Variants in ACTL8 observed in about 807,000 individuals in gnomAD.
ACTL8 encodes actin like 8.
In ACTL8, 3 loss-of-function variants were observed where a neutral mutation model predicts 9.3. That is an observed-to-expected ratio of 0.32 (90% confidence interval 0.15 to 0.83). The LOEUF is 0.83. Ranked by LOEUF, ACTL8 falls within the 40% of genes least tolerant of loss-of-function variation. The pLI, the probability that ACTL8 is intolerant of heterozygous loss-of-function variation, is 0.57. For synonymous variants in ACTL8, 224 were observed against 205.9 expected, an observed-to-expected ratio of 1.09 and a Z score of -0.75; for missense variants, 381 against 492.2, an observed-to-expected ratio of 0.77 and a Z score of 2.14.
rs1460267996 is a variant in ACTL8 at position 17,823,743 on chromosome 1, C to A, written c.348+387C>A. On this transcript the variant is annotated intron_variant, in intron 2 of 2. Transcript: ENST00000375406. This position sits in a 1 kb window ranked among gnomAD's most constrained non-coding sequence, Gnocchi z 5.3. ...GCCCTGTCTCAAAAAAACAAACAAA[C>A]AAAAAAACCCAACAGAAACCAACAA... Among the ~76,000 whole-genome samples the A allele has an allele frequency of 6.6e-6, 1 of 151,962 alleles. No individual in the cohort carries two copies. Among genetic ancestry groups the A allele is most frequent in the African/African-American group, 2.4e-5 (1 of 41,380 alleles).
chr1:17,811,726 A>G (rs2124183350), intron 1 of ACTL8, among the ~76,000 whole-genome samples: 1 of 152,218 alleles, frequency 6.6e-6, no homozygotes, highest in East Asian at 1.9e-4. Flanking sequence ...CTATCTTTTC[A>G]TCACGGAATT....
Position 17,826,582 on chromosome 1 carries a change from C to A in ACTL8, c.*63C>A, listed in dbSNP as rs2053725170. The A allele has an allele frequency of 1.8e-4, 231 of 1,257,374 alleles. No individual in the cohort carries two copies. The highest frequency in any genetic ancestry group is 2.1e-4 in the Non-Finnish European group (193 of 937,828). 77.9% of individuals were successfully genotyped at this position (1,257,374 alleles called of 1,614,324 possible). A position where few individuals can be genotyped will look rare whatever the true frequency, so the allele number is the denominator to read the frequency against. Reference sequence around the variant, plus strand: ...ATGGGCACGGGCGGATTAATTTTAGCAAAATGTTCTGGGTGGGGGTAGAAT... The same window carrying A: ...ATGGGCACGGGCGGATTAATTTTAGAAAAATGTTCTGGGTGGGGGTAGAAT... On this transcript the variant is annotated 3_prime_UTR_variant, in exon 3 of 3. Transcript: ENST00000375406. The surrounding 1 kb of genome is among the most constrained non-coding windows in gnomAD (Gnocchi z 4.5).
At chr1:17,777,038 G>A (rs1001056954) in intron 1 of ACTL8, among the ~76,000 whole-genome samples, 1 of 124,770 alleles carries the variant, frequency 8.0e-6, no homozygotes, top group South Asian at 2.7e-4. Flanking sequence ...TGCCCAGGCT[G>A]ATCTTGAATC....
At chr1:17,816,469 G>A (rs767758994) in intron 1 of ACTL8, among the ~76,000 whole-genome samples, 1 of 152,190 alleles carries the variant, frequency 6.6e-6, no homozygotes, top group Non-Finnish European at 1.5e-5. Context: ...CTCCCAAAGT[G>A]CTAGTATTAC....
intron 1 of ACTL8, among the ~76,000 whole-genome samples, chr1:17,755,944 G>A (rs539098075): frequency 6.6e-6 from 1 of 152,084 alleles, no homozygotes; most frequent in African/African-American, 2.4e-5. Flanking sequence ...TCAGTCCTGG[G>A]GTGGGGGGCT....
chr1:17,808,240 A>T (rs2066371670), intron 1 of ACTL8, among the ~76,000 whole-genome samples: 1 of 152,216 alleles, frequency 6.6e-6, no homozygotes, highest in Non-Finnish European at 1.5e-5. Context: ...GACTTGAGGG[A>T]CACAAGACCC....
intron 1 of ACTL8, among the ~76,000 whole-genome samples, chr1:17,756,169 CTCT>C (rs1396588133): frequency 1.3e-5 from 2 of 151,972 alleles, no homozygotes; most frequent in Non-Finnish European, 2.9e-5. Context: ...GCTCTGGGAG[CTCT>C]TCTTTGGGGC....
chr1:17,761,891 A>G (rs1202432713), intron 1 of ACTL8, among the ~76,000 whole-genome samples: 1 of 151,530 alleles, frequency 6.6e-6, no homozygotes, highest in South Asian at 2.1e-4. Flanking sequence ...CACATGACTT[A>G]GCTCTAATGC....
chr1:17,808,283 A>T (rs1456272899), intron 1 of ACTL8, among the ~76,000 whole-genome samples: 2 of 152,216 alleles, frequency 1.3e-5, no homozygotes, highest in African/African-American at 4.8e-5. Context: ...AGATGGCAAT[A>T]AGAGCTCAAC....
At chr1:17,764,637 G>A (rs112582648) in intron 1 of ACTL8, among the ~76,000 whole-genome samples, 2,577 of 152,000 alleles carry the variant, frequency 0.017, 48 homozygotes, top group Non-Finnish European at 0.023. Context: ...TCCTTGTGTC[G>A]CCCCCACGCT....
chr1:17,811,215 G>A (rs1047445651), intron 1 of ACTL8, among the ~76,000 whole-genome samples: 1 of 152,162 alleles, frequency 6.6e-6, no homozygotes, highest in Non-Finnish European at 1.5e-5. Flanking sequence ...GCATCTTTCA[G>A]TGTGCTTACT....
At chr1:17,813,509 A>G (rs970281088) in intron 1 of ACTL8, among the ~76,000 whole-genome samples, 2 of 152,110 alleles carry the variant, frequency 1.3e-5, no homozygotes, top group Non-Finnish European at 2.9e-5. Flanking sequence ...TATTCTTTTT[A>G]TATATTACTG....
chr1:17,792,921 T>G (rs577627918), intron 1 of ACTL8, among the ~76,000 whole-genome samples: 1 of 152,202 alleles, frequency 6.6e-6, no homozygotes, highest in East Asian at 1.9e-4. Context: ...GGACATAGGC[T>G]CTCTCTCTGG....
intron 1 of ACTL8, among the ~76,000 whole-genome samples, chr1:17,800,583 C>CTTTTTTTTTTTTTTTTTTTTTTTTTT (rs59143238): frequency 7.2e-5 from 5 of 69,156 alleles, no homozygotes; most frequent in African/African-American, 3.2e-4. Flanking sequence ...TGGTGTCAAT[C>CTTTTTTTTTTTTTTTTTTTTTTTTTT]TTTTTTTTTT....
At chr1:17,764,715 A>G (rs2066032124) in intron 1 of ACTL8, among the ~76,000 whole-genome samples, 1 of 152,228 alleles carries the variant, frequency 6.6e-6, no homozygotes, top group Admixed American at 6.5e-5. Flanking sequence ...TAATAGCTGA[A>G]TATTTCTTTA....
intron 1 of ACTL8, among the ~76,000 whole-genome samples, chr1:17,768,880 G>A (rs1262188208): frequency 1.3e-5 from 2 of 152,086 alleles, no homozygotes; most frequent in Non-Finnish European, 2.9e-5. Context: ...GTCTTGGGAG[G>A]GTAATTGTGT....
chr1:17,825,429 G>C (rs1350552362), intron 2 of ACTL8, among the ~76,000 whole-genome samples: 1 of 152,088 alleles, frequency 6.6e-6, no homozygotes, highest in East Asian at 1.9e-4. Context: ...TCCTTCTAAA[G>C]AGGCGGTTCA....
chr1:17,780,652 G>A (rs1308444842), intron 1 of ACTL8, among the ~76,000 whole-genome samples: 5 of 150,596 alleles, frequency 3.3e-5, no homozygotes. Flanking sequence ...GGTGTGAGCC[G>A]ATGGTGACTG....
intron 1 of ACTL8, among the ~76,000 whole-genome samples, chr1:17,756,292 C>T (rs2065968925): frequency 6.6e-6 from 1 of 151,876 alleles, no homozygotes; most frequent in East Asian, 1.9e-4. Flanking sequence ...TTTGGGGAAC[C>T]TATGAAAGCC....
Sources: allele counts gnomAD v4.1 joint callset (sites outside exome capture counted in the v4.1 genomes callset), GRCh38; gene constraint gnomAD v4.1.1; non-coding constraint Gnocchi (gnomAD v3.1); transcripts MANE v1.5; gene names NCBI Gene and HGNC (gene_info 2026-07-23, HGNC 2026-07-21).